The following KMT5B variants were observed in gnomAD, a reference collection of about 807,000 sequenced individuals.
KMT5B encodes lysine methyltransferase 5B.
A neutral mutation model predicts 83.2 loss-of-function variants in KMT5B; 10 were observed. That is an observed-to-expected ratio of 0.12 (90% confidence interval 0.07 to 0.20). The LOEUF (loss-of-function observed/expected upper bound fraction) is 0.20. Ranked by LOEUF, KMT5B falls within the 10% of genes least tolerant of loss-of-function variation. The pLI, the probability that KMT5B is intolerant of heterozygous loss-of-function variation, is 1.00. For missense variants in KMT5B, 753 were observed against 1,067.2 expected (o/e 0.71, Z 4.10); for synonymous variants, 349 against 388.8 (o/e 0.90, Z 1.20).
intron 1 of KMT5B, among the ~76,000 whole-genome samples, chr11:68,205,971 A>T (rs12364850): frequency 1.4e-3 from 220 of 152,336 alleles, no homozygotes; most frequent in Non-Finnish European, 2.5e-3. Flanking sequence ...CTACAGCCAG[A>T]CATGTAAGAA....
rs1465402950 is a variant in KMT5B, at chr11:68,185,913, C to T, written c.176G>A (p.Gly59Glu). The change falls in exon 3 of 11, where the codon GGA (glycine) becomes GAA (glutamate). Residue 59 changes from glycine to glutamate, a missense_variant. This residue lies in a region of KMT5B where 56 missense variants were observed against 91.4 expected (regional missense o/e 0.61). Transcript: ENST00000304363. ...RRSNRCNGNS[G>E]FEGQSRYVPS... is the part of the protein sequence containing the mutation. ...TACATAGCGACTCTGTCCTTCAAATCCCGAGTTACCATTACCTGTGAAAAG... is the reference window on the plus strand; with the variant it reads ...TACATAGCGACTCTGTCCTTCAAATTCCGAGTTACCATTACCTGTGAAAAG... 1.9e-6 allele frequency: 3 copies of T among 1,596,706 alleles called. No individual in the cohort carries two copies.
At position 68,171,456 on chromosome 11, in the gene KMT5B, A is replaced by G. The variant is rs959599598; in HGVS notation, c.820+87T>C. ...TTCAAATTCTCCTTTAAAGGAAGATAAAGGTTTGACTGAGGTTGACAAGGC... is the reference window on the plus strand; with the variant it reads ...TTCAAATTCTCCTTTAAAGGAAGATGAAGGTTTGACTGAGGTTGACAAGGC... On this transcript the variant is annotated intron_variant, in intron 7 of 10. Transcript: ENST00000304363. This position sits in a 1 kb window ranked among gnomAD's most constrained non-coding sequence, Gnocchi z 5.1. 2.1e-6 allele frequency: 3 copies of G among 1,416,522 alleles called. No individual in the cohort carries two copies. The highest frequency in any genetic ancestry group is 2.9e-6 in the Non-Finnish European group (3 of 1,031,636). 87.7% of individuals were successfully genotyped at this position (1,416,522 alleles called of 1,614,324 possible).
chr11:68,193,757 TCTTACA>T (rs1417648198), intron 1 of KMT5B, among the ~76,000 whole-genome samples: 1 of 152,016 alleles, frequency 6.6e-6, no homozygotes, highest in African/African-American at 2.4e-5. Context: ...TGATCATATA[TCTTACA>T]CTTAGGAGAA....
At chr11:68,178,366 T>C (rs1467105299) in intron 4 of KMT5B, among the ~76,000 whole-genome samples, 2 of 152,214 alleles carry the variant, frequency 1.3e-5, no homozygotes. Context: ...ACAATTTACA[T>C]GCTAAAACCA....
chr11:68,213,178 C>T lies in KMT5B; in HGVS notation c.-117G>A, dbSNP rs1861197453. Reference sequence around the variant, plus strand: ...GCTCCTCCTCGGGGCGCGTCCCAGGCCCCGCTGCCCGGCCGCTGCGATGCG... The same window carrying T: ...GCTCCTCCTCGGGGCGCGTCCCAGGTCCCGCTGCCCGGCCGCTGCGATGCG... On this transcript the variant is annotated 5_prime_UTR_variant, in exon 1 of 11. Coordinates refer to ENST00000304363, the MANE Select transcript of KMT5B (RefSeq NM_017635.5). 2.1e-5 allele frequency: 3 copies of T among 141,302 alleles called. No homozygotes were observed. Among genetic ancestry groups the T allele is most frequent in the African/African-American group, 2.5e-5 (1 of 39,224 alleles). The allele number at this position is 141,302 out of a possible 1,614,324, so 8.8% of individuals were successfully genotyped here.
At chr11:68,211,617 AAG>A (rs1860912084) in intron 1 of KMT5B, among the ~76,000 whole-genome samples, 1 of 152,222 alleles carries the variant, frequency 6.6e-6, no homozygotes, top group Admixed American at 6.5e-5. Flanking sequence ...ACGAGATAAC[AAG>A]AGACTCAAAA....
At chr11:68,159,418 C>G (rs1007604156) in intron 10 of KMT5B, among the ~76,000 whole-genome samples, 2 of 152,222 alleles carry the variant, frequency 1.3e-5, no homozygotes, top group African/African-American at 2.4e-5. Context: ...GAGCTTTTCA[C>G]AGCAGGGACC....
chr11:68,197,369 A>G (rs553514784), intron 1 of KMT5B, among the ~76,000 whole-genome samples: 1 of 152,342 alleles, frequency 6.6e-6, no homozygotes, highest in East Asian at 1.9e-4. Flanking sequence ...TAAGACCTCC[A>G]GGTGATGCAA....
chr11:68,206,675 G>A (rs1182805890), intron 1 of KMT5B, among the ~76,000 whole-genome samples: 1 of 152,128 alleles, frequency 6.6e-6, no homozygotes. Context: ...AGCACAAACT[G>A]CTAACAAATT....
intron 1 of KMT5B, among the ~76,000 whole-genome samples, chr11:68,201,716 G>C (rs1359690103): frequency 6.6e-6 from 1 of 152,022 alleles, no homozygotes; most frequent in Non-Finnish European, 1.5e-5. Flanking sequence ...GTTTATCTTA[G>C]AGAAATTATC....
At position 68,171,170 on chromosome 11, in the gene KMT5B, A is replaced by C. The variant is rs1359830548; in HGVS notation, c.841-19T>G. On this transcript the variant is annotated intron_variant, in intron 8 of 10. Transcript: ENST00000304363. This position sits in a 1 kb window ranked among gnomAD's most constrained non-coding sequence, Gnocchi z 5.1. The stretch of plus-strand genomic sequence containing the variant: ...ACACAAACTAAAATAAAAGTAACTC[A>C]GTAAGAAACTCACACCTGAAGCAAA... 1 of 1,609,202 alleles carries C rather than the reference A, an allele frequency of 6.2e-7. No homozygotes were observed. The highest frequency in any genetic ancestry group is 2.2e-5 in the East Asian group (1 of 44,846).
chr11:68,208,452 CCAAA>C (rs148612923), intron 1 of KMT5B, among the ~76,000 whole-genome samples: 7,559 of 151,364 alleles, frequency 0.05, 206 homozygotes, highest in African/African-American at 0.057. Flanking sequence ...GACTCTGTCT[CCAAA>C]CAAACAAACA....
chr11:68,212,924 G>A lies in KMT5B; in HGVS notation c.-77+214C>T, dbSNP rs1261837719. 4.1e-5 allele frequency among the ~76,000 whole-genome samples: 6 copies of A among 146,714 alleles called. No individual in the cohort carries two copies. In the South Asian group the frequency reaches 8.3e-4, roughly 20 times the overall value. ...CCGCTACCGCTCCCTTCCGGCCGCG[G>A]CCACCACTGCAGGCCCCGCGCCGGC... On this transcript the variant is annotated intron_variant, in intron 1 of 10. Coordinates refer to ENST00000304363, the MANE Select transcript of KMT5B (RefSeq NM_017635.5).
At chr11:68,175,330 T>C (rs1407755312) in intron 4 of KMT5B, 147 bp from the exon 5 acceptor site, 10 of 575,320 alleles carry the variant, frequency 1.7e-5, no homozygotes, top group Non-Finnish European at 1.2e-5. Flanking sequence ...CAACAATCAA[T>C]AGTCTTGATT....
chr11:68,203,093 A>G (rs1859658069), intron 1 of KMT5B, among the ~76,000 whole-genome samples: 1 of 152,032 alleles, frequency 6.6e-6, no homozygotes, highest in Non-Finnish European at 1.5e-5. Context: ...CTCCTGCCTC[A>G]GCCTCCTGAG....
At chr11:68,191,760 GAAGA>G (rs1858103007) in intron 1 of KMT5B, among the ~76,000 whole-genome samples, 1 of 152,104 alleles carries the variant, frequency 6.6e-6, no homozygotes, top group Admixed American at 6.5e-5. Flanking sequence ...GTTAATTATT[GAAGA>G]AACATTTCAA....
chr11:68,159,178 G>A lies in KMT5B; in HGVS notation c.1175-7C>T, dbSNP rs1479163564. The A allele has an allele frequency of 3.2e-6, 5 of 1,547,940 alleles. No individual in the cohort carries two copies. The highest frequency in any genetic ancestry group is 4.3e-6 in the Non-Finnish European group (5 of 1,157,596). Reference sequence around the variant, plus strand: ...GAAGATTTTCGGTTAGAAGCTGTAAGGTTAAAGAGAAAAAGGTGAAAAGCC... The same window carrying A: ...GAAGATTTTCGGTTAGAAGCTGTAAAGTTAAAGAGAAAAAGGTGAAAAGCC... On this transcript the variant is annotated splice_region_variant and splice_polypyrimidine_tract_variant and intron_variant, in intron 10 of 10. Transcript: ENST00000304363.
Position 68,158,678 on chromosome 11 carries a change from A to C in KMT5B, c.1668T>G (p.Leu556=). 6.2e-7 allele frequency: 1 copy of C among 1,614,006 alleles called. No individual in the cohort carries two copies. Among genetic ancestry groups the C allele is most frequent in the Non-Finnish European group, 8.5e-7 (1 of 1,180,006 alleles). Residue 556 remains leucine, a synonymous_variant, in exon 11 of 11, where the codon CTT becomes CTG. Coordinates refer to ENST00000304363, the MANE Select transcript of KMT5B (RefSeq NM_017635.5). ...TNLKEASDIK[L]EPNTLNGYKS... is the part of the protein sequence containing the mutation. ...TATAGCCATTCAACGTATTTGGTTCAAGCTTGATGTCAGAGGCCTCCTTCA... is the reference window on the plus strand; with the variant it reads ...TATAGCCATTCAACGTATTTGGTTCCAGCTTGATGTCAGAGGCCTCCTTCA...
At chr11:68,199,407 G>A (rs1237399849) in intron 1 of KMT5B, among the ~76,000 whole-genome samples, 1 of 152,154 alleles carries the variant, frequency 6.6e-6, no homozygotes, top group Non-Finnish European at 1.5e-5. Context: ...CCAGGCATCA[G>A]GCAAGAAGCA....
Sources: gnomAD v4.1 joint callset for allele counts (sites outside exome capture counted in the v4.1 genomes callset) on GRCh38, gnomAD v4.1.1 for gene constraint, gnomAD v4.1.1 regional missense constraint, Gnocchi (gnomAD v3.1) non-coding constraint, MANE v1.5 for transcripts, NCBI Gene and HGNC (gene_info 2026-07-23, HGNC 2026-07-21) for gene names.